Variants in COL25A1 observed in about 807,000 individuals in gnomAD.
COL25A1 encodes collagen type XXV alpha 1 chain, also known as collagen alpha-1(XXV) chain.
COL25A1 carries 103 observed loss-of-function variants against 128.4 expected under a neutral mutation model. That is an observed-to-expected ratio of 0.80 (90% CI 0.68 to 0.94). The LOEUF is 0.94. Ranked by LOEUF, COL25A1 falls within the 40% of genes least tolerant of loss-of-function variation. The pLI is 0.00. For missense variants in COL25A1, 745 were observed against 840.0 expected (o/e 0.89, Z 1.40); for synonymous variants, 279 against 277.2 (o/e 1.01, Z -0.06).
intron 32 of COL25A1, among the ~76,000 whole-genome samples, chr4:108,830,892 T>C (rs2125726950): frequency 6.6e-6 from 1 of 152,384 alleles, no homozygotes; most frequent in African/African-American, 2.4e-5. Flanking sequence ...ATCAGCAGCG[T>C]TGAGGCTTTT....
chr4:109,000,743 C>CAAAAAAAAAAAAAAAA (rs1180104512), intron 6 of COL25A1, among the ~76,000 whole-genome samples: 4 of 36,422 alleles, frequency 1.1e-4, no homozygotes, highest in African/African-American at 3.4e-4. Flanking sequence ...GAGACTCTGT[C>CAAAAAAAAAAAAAAAA]AAAAAAAAAA....
chr4:109,216,366 T>C (rs1401822419), intron 3 of COL25A1, among the ~76,000 whole-genome samples: 1 of 152,066 alleles, frequency 6.6e-6, no homozygotes. Flanking sequence ...TGGGCTGCCA[T>C]GGTAAAAATG....
At chr4:109,151,464 C>T (rs952826028) in intron 3 of COL25A1, among the ~76,000 whole-genome samples, 4 of 151,982 alleles carry the variant, frequency 2.6e-5, no homozygotes, top group African/African-American at 7.2e-5. Flanking sequence ...ATTAAAATTC[C>T]ATGGGAGAAA....
At chr4:109,227,258 C>CAAA (rs59584294) in intron 3 of COL25A1, among the ~76,000 whole-genome samples, 344 of 150,422 alleles carry the variant, frequency 2.3e-3, no homozygotes, top group African/African-American at 7.3e-3. Context: ...AAATTCGCAG[C>CAAA]AAAAAAAAAT....
At chr4:108,961,849 C>A (rs891299435) in intron 8 of COL25A1, among the ~76,000 whole-genome samples, 1 of 152,190 alleles carries the variant, frequency 6.6e-6, no homozygotes, top group East Asian at 1.9e-4. Context: ...ATTAAGTCAG[C>A]CTCTAAAAAT....
intron 11 of COL25A1, among the ~76,000 whole-genome samples, chr4:108,937,015 T>G (rs962032327): frequency 4.6e-5 from 7 of 152,044 alleles, no homozygotes; most frequent in Non-Finnish European, 8.8e-5. Flanking sequence ...GTCAAGCTGA[T>G]TGTGGTCACC....
At chr4:108,915,049 C>T (rs139234462) in intron 13 of COL25A1, among the ~76,000 whole-genome samples, 5 of 152,248 alleles carry the variant, frequency 3.3e-5, no homozygotes, top group Admixed American at 3.3e-4. Flanking sequence ...ACACTACCTC[C>T]TACTTTTCAC....
At chr4:109,149,154 C>T (rs890264355) in intron 3 of COL25A1, among the ~76,000 whole-genome samples, 5 of 152,082 alleles carry the variant, frequency 3.3e-5, no homozygotes, top group African/African-American at 4.8e-5. Flanking sequence ...TCCAACAAAG[C>T]GTTTGTATTA....
intron 3 of COL25A1, among the ~76,000 whole-genome samples, chr4:109,175,714 AT>A (rs1443771093): frequency 6.6e-6 from 1 of 152,204 alleles, no homozygotes; most frequent in Non-Finnish European, 1.5e-5. Context: ...ACTTTTAGCC[AT>A]TCAATAGATA....
At chr4:108,881,829 A>G (rs1254191642) in intron 19 of COL25A1, among the ~76,000 whole-genome samples, 1 of 152,200 alleles carries the variant, frequency 6.6e-6, no homozygotes, top group African/African-American at 2.4e-5. Flanking sequence ...TATCTCCCAC[A>G]TCCTGATTAG....
intron 3 of COL25A1, among the ~76,000 whole-genome samples, chr4:109,118,743 G>C (rs1293387029): frequency 6.6e-6 from 1 of 151,978 alleles, no homozygotes; most frequent in Non-Finnish European, 1.5e-5. Flanking sequence ...AAAACTGATA[G>C]AATTGCAAGA....
At chr4:108,869,460 A>G (rs1185512716) in intron 19 of COL25A1, among the ~76,000 whole-genome samples, 1 of 152,176 alleles carries the variant, frequency 6.6e-6, no homozygotes, top group East Asian at 1.9e-4. Flanking sequence ...ACAGAAGTAC[A>G]GGTAACCTGC....
chr4:109,192,484 C>T (rs1008811020), intron 3 of COL25A1, among the ~76,000 whole-genome samples: 2 of 151,972 alleles, frequency 1.3e-5, no homozygotes, highest in Non-Finnish European at 2.9e-5. Flanking sequence ...AAAGATAAGG[C>T]CTTTAAAAAG....
intron 3 of COL25A1, among the ~76,000 whole-genome samples, chr4:109,230,320 C>T (rs534999403): frequency 5.3e-5 from 8 of 152,154 alleles, no homozygotes; most frequent in Admixed American, 2.0e-4. Context: ...CGGGAAGTCC[C>T]TATTTTAGAT....
intron 30 of COL25A1, 127 bp from the exon 31 acceptor site, chr4:108,841,848 C>T: frequency 1.3e-6 from 1 of 758,362 alleles, no homozygotes; most frequent in Non-Finnish European, 2.2e-6. Flanking sequence ...TAGGTAGAGG[C>T]AGGCTAGTGG....
intron 19 of COL25A1, among the ~76,000 whole-genome samples, chr4:108,878,121 G>A (rs958768852): frequency 2.6e-5 from 4 of 151,848 alleles, no homozygotes; most frequent in East Asian, 1.9e-4. Flanking sequence ...AATGGTGGCC[G>A]GAATGTCCTG....
intron 3 of COL25A1, among the ~76,000 whole-genome samples, chr4:109,102,870 T>A (rs1265510504): frequency 6.6e-6 from 1 of 152,194 alleles, no homozygotes; most frequent in African/African-American, 2.4e-5. Context: ...TTGCTCTTTA[T>A]CCAATCTGAA....
chr4:108,868,833 G>A (rs1215090642), intron 20 of COL25A1, among the ~76,000 whole-genome samples: 1 of 141,166 alleles, frequency 7.1e-6, no homozygotes, highest in Non-Finnish European at 1.5e-5. Flanking sequence ...AGGAAGGAAT[G>A]AAGGAAGGAA....
intron 5 of COL25A1, among the ~76,000 whole-genome samples, chr4:109,026,611 T>A (rs1422366196): frequency 6.6e-6 from 1 of 152,216 alleles, no homozygotes; most frequent in Non-Finnish European, 1.5e-5. Flanking sequence ...GGAAAACATG[T>A]GTGCCGACGA....
Sources: allele counts gnomAD v4.1 joint callset (sites outside exome capture counted in the v4.1 genomes callset), GRCh38; gene constraint gnomAD v4.1.1; transcripts MANE v1.5; gene names NCBI Gene and HGNC (gene_info 2026-07-23, HGNC 2026-07-21).